Variants in ANK3 observed in about 807,000 individuals in gnomAD.
ANK3 encodes ankyrin 3, also known as ankyrin-3.
ANK3 carries 57 observed loss-of-function variants against 370.9 expected under a neutral mutation model. The observed-to-expected ratio is 0.15, with a 90% CI of 0.12 to 0.19. The LOEUF (loss-of-function observed/expected upper bound fraction) is 0.19. ANK3 is among the 10% of genes least tolerant of loss of function. ANK3 has a pLI of 1.00. For synonymous variants in ANK3, 1,929 were observed against 1,946.3 expected (o/e 0.99, Z 0.23); for missense variants, 4,439 against 5,302.1 (o/e 0.84, Z 5.06).
intron 14 of ANK3, 142 bp from the exon 15 acceptor site, chr10:60,196,767 A>G (rs2096593632): frequency 1.6e-6 from 1 of 606,314 alleles, no homozygotes; most frequent in Non-Finnish European, 2.9e-6. Flanking sequence ...TATTCTATTG[A>G]TGATGAGCAG....
intron 25 of ANK3, among the ~76,000 whole-genome samples, chr10:60,127,431 C>T (rs1045129064): frequency 2.0e-5 from 3 of 152,216 alleles, no homozygotes; most frequent in Non-Finnish European, 2.9e-5. Context: ...CAAAACCAAC[C>T]GACATCGATA....
At chr10:60,108,063 A>G in intron 27 of ANK3, 1 of 269,018 alleles carries the variant, frequency 3.7e-6, no homozygotes, top group Non-Finnish European at 7.4e-6. Flanking sequence ...TGAAAGCATT[A>G]AAAAAAACTT....
intron 2 of ANK3, among the ~76,000 whole-genome samples, chr10:60,571,252 T>C (rs2077591038): frequency 1.3e-5 from 2 of 152,210 alleles, no homozygotes; most frequent in South Asian, 4.1e-4. Flanking sequence ...CTGGAAGACA[T>C]TGAACCACTG....
intron 37 of ANK3, 96 bp downstream of exon 37, chr10:60,068,541 C>T: frequency 7.7e-7 from 1 of 1,301,008 alleles, no homozygotes. Flanking sequence ...ACAGTTCATG[C>T]ACTAGGGTCT....
chr10:60,730,579 T>C (rs2080008267), intron 1 of ANK3, among the ~76,000 whole-genome samples: 1 of 152,132 alleles, frequency 6.6e-6, no homozygotes, highest in Non-Finnish European at 1.5e-5. Context: ...AGAAGGCAAA[T>C]GAAAAATTTT....
Position 60,043,298 on chromosome 10 carries a change from A to T in ANK3, c.13066-539T>A, listed in dbSNP as rs78872275. 546 of 985,484 alleles carry T rather than the reference A, an allele frequency of 5.5e-4. 4 individuals carry two copies. In the African/African-American group the frequency reaches 9.1e-3, roughly 16 times the overall value. 61.0% of individuals were successfully genotyped at this position (985,484 alleles called of 1,614,324 possible). On this transcript the variant is annotated intron_variant, in intron 42 of 43. Coordinates refer to ENST00000280772, the MANE Select transcript of ANK3 (RefSeq NM_020987.5). ...TTCCCCGAGAGCAAGGTTGTGGCACAAATACTCAGTTTTTACCCAATTTTT... is the reference window on the plus strand; with the variant it reads ...TTCCCCGAGAGCAAGGTTGTGGCACTAATACTCAGTTTTTACCCAATTTTT...
chr10:60,355,247 A>C (rs955208538), intron 1 of ANK3, among the ~76,000 whole-genome samples: 2 of 152,236 alleles, frequency 1.3e-5, no homozygotes, highest in Admixed American at 6.5e-5. Context: ...CCAACAAATG[A>C]AAAACAATGG....
intron 28 of ANK3, among the ~76,000 whole-genome samples, chr10:60,102,385 C>G (rs1168489651): frequency 6.6e-6 from 1 of 152,030 alleles, no homozygotes; most frequent in African/African-American, 2.4e-5. Context: ...CATATATTAG[C>G]TCATCTATTC....
chr10:60,609,235 G>A (rs1439101713), intron 2 of ANK3, among the ~76,000 whole-genome samples: 1 of 152,126 alleles, frequency 6.6e-6, no homozygotes, highest in Non-Finnish European at 1.5e-5. Flanking sequence ...GAATAAGGTG[G>A]TCTAGTAACT....
rs1196375582 is a variant in ANK3 at position 60,310,674 on chromosome 10, A to G, written c.115-31035T>C. Among the ~76,000 whole-genome samples the G allele has an allele frequency of 2.0e-5, 3 of 152,250 alleles. No individual in the cohort carries two copies. The East Asian group carries it at 5.8e-4, about 29-fold the overall frequency. On this transcript the variant is annotated intron_variant, in intron 1 of 43. Coordinates refer to ENST00000280772, the MANE Select transcript of ANK3 (RefSeq NM_020987.5). ...AGGAGCCGTAATGCCTATGCCAGAC[A>G]GATCTGTAATCAATTCTAACACAAG... is the stretch of plus-strand genomic sequence containing the variant.
chr10:60,733,175 C>A (rs1302726550), intron 1 of ANK3: 3 of 1,146,710 alleles, frequency 2.6e-6, no homozygotes, highest in Non-Finnish European at 3.3e-6. Flanking sequence ...ACTCCTGGGG[C>A]CCCCCGGCCC....
At chr10:60,243,135 C>T (rs1280389834) in intron 7 of ANK3, among the ~76,000 whole-genome samples, 2 of 152,152 alleles carry the variant, frequency 1.3e-5, no homozygotes, top group African/African-American at 4.8e-5. Context: ...AAATTCCAGG[C>T]CTGCCCCATA....
intron 1 of ANK3, among the ~76,000 whole-genome samples, chr10:60,333,458 G>A (rs7916895): frequency 0.042 from 6,362 of 152,178 alleles, 456 homozygotes; most frequent in African/African-American, 0.15. Flanking sequence ...CTTCATCTAT[G>A]TCCCTGCAAA....
chr10:60,113,273 C>T (rs4948388), intron 26 of ANK3, among the ~76,000 whole-genome samples: 149,300 of 152,240 alleles, frequency 0.98, 73,273 homozygotes, highest in Non-Finnish European at 1. Context: ...TGTAATTTTA[C>T]TTCAGAAATG....
intron 43 of ANK3, among the ~76,000 whole-genome samples, chr10:60,036,037 C>T (rs2074881125): frequency 1.3e-5 from 2 of 152,134 alleles, no homozygotes. Context: ...AAATCCAGAC[C>T]TGTCATTAAC....
At chr10:60,332,136 T>G (rs1185019845) in intron 1 of ANK3, among the ~76,000 whole-genome samples, 1 of 152,144 alleles carries the variant, frequency 6.6e-6, no homozygotes, top group African/African-American at 2.4e-5. Context: ...ATTCTCCTCA[T>G]GATTAAAACT....
At chr10:60,457,440 C>A (rs1392157659) in intron 2 of ANK3, among the ~76,000 whole-genome samples, 2 of 152,104 alleles carry the variant, frequency 1.3e-5, no homozygotes, top group Non-Finnish European at 2.9e-5. Flanking sequence ...TCAGGTAGAA[C>A]AGAAGCCTGG....
chr10:60,394,462 C>T (rs1486427595), upstream of ANK3, among the ~76,000 whole-genome samples: 3 of 152,064 alleles, frequency 2.0e-5, no homozygotes, highest in South Asian at 4.1e-4. Context: ...TTAGTCTGCC[C>T]TCTTTCCCCA....
At chr10:60,535,930 T>A (rs1595228094) in intron 2 of ANK3, among the ~76,000 whole-genome samples, 1 of 148,734 alleles carries the variant, frequency 6.7e-6, no homozygotes, top group Non-Finnish European at 1.5e-5. Context: ...AACCTCCAGC[T>A]AAAAAAAAAA....
Sources: allele counts gnomAD v4.1 joint callset (sites outside exome capture counted in the v4.1 genomes callset), GRCh38; gene constraint gnomAD v4.1.1; transcripts MANE v1.5; gene names NCBI Gene and HGNC (gene_info 2026-07-23, HGNC 2026-07-21).